Variants in PTPRG observed in about 807,000 individuals in gnomAD.
The protein encoded by PTPRG is protein tyrosine phosphatase receptor type G, also known as receptor-type tyrosine-protein phosphatase gamma.
Under a neutral mutation model 165.3 loss-of-function variants are expected in PTPRG, and 102 were observed. The ratio of observed to expected loss-of-function variants is 0.62; its 90% CI spans 0.53 to 0.73. The LOEUF (loss-of-function observed/expected upper bound fraction) is 0.73. Among genes scored for constraint, PTPRG ranks in the 30% least tolerant of loss-of-function variants. The pLI, the probability that PTPRG is intolerant of heterozygous loss-of-function variation, is 0.00. For synonymous variants in PTPRG, 675 were observed against 669.5 expected, an observed-to-expected ratio of 1.01 and a Z score of -0.13; for missense variants, 1,866 against 1,861.4, an observed-to-expected ratio of 1.00 and a Z score of -0.05.
intron 16 of PTPRG, among the ~76,000 whole-genome samples, chr3:62,257,085 T>C (rs1468007113): frequency 1.3e-5 from 2 of 152,048 alleles, no homozygotes; most frequent in East Asian, 3.9e-4. Context: ...AGGTTTAAAA[T>C]CAGAGCTGTT....
chr3:62,283,816 T>C (rs1489470254), intron 28 of PTPRG, among the ~76,000 whole-genome samples: 1 of 152,164 alleles, frequency 6.6e-6, no homozygotes. Context: ...CTACTTGAAG[T>C]AATGTGTACT....
At chr3:62,131,181 T>A (rs943291100) in intron 5 of PTPRG, among the ~76,000 whole-genome samples, 2 of 152,186 alleles carry the variant, frequency 1.3e-5, no homozygotes, top group African/African-American at 4.8e-5. Flanking sequence ...TATAGGATGT[T>A]TAGCAGCAGC....
chr3:62,076,111 A>T (rs1701372700), intron 4 of PTPRG, among the ~76,000 whole-genome samples: 2 of 152,062 alleles, frequency 1.3e-5, no homozygotes. Context: ...CGCTGCCTCT[A>T]AAAATGTATA....
intron 1 of PTPRG, among the ~76,000 whole-genome samples, chr3:61,729,069 C>T (rs2032384105): frequency 6.6e-6 from 1 of 150,734 alleles, no homozygotes; most frequent in Non-Finnish European, 1.5e-5. Flanking sequence ...CTCAAAAAAA[C>T]AAACAAACAA....
Position 61,874,720 on chromosome 3 carries a change from G to T in PTPRG, c.191-114905G>T, listed in dbSNP as rs184114751. On this transcript the variant is annotated intron_variant, in intron 2 of 29. Coordinates refer to ENST00000474889, the MANE Select transcript of PTPRG (RefSeq NM_002841.4). ...CATTTAGTGGGAGGAGTCCAGGGAC[G>T]CCATAAACATAAAGCACAGGACAGT... Among the ~76,000 whole-genome samples the T allele has an allele frequency of 1.2e-4, 19 of 152,170 alleles. 1 individual carries two copies. The highest frequency in any genetic ancestry group is 3.4e-3 in the Middle Eastern group (1 of 294).
intron 2 of PTPRG, among the ~76,000 whole-genome samples, chr3:61,771,887 C>T (rs1374991129): frequency 6.6e-6 from 1 of 151,636 alleles, no homozygotes; most frequent in Non-Finnish European, 1.5e-5. Flanking sequence ...TGGTGAAAAC[C>T]TGTCTCTACT....
At chr3:61,944,847 A>G (rs1330931677) in intron 2 of PTPRG, among the ~76,000 whole-genome samples, 1 of 152,200 alleles carries the variant, frequency 6.6e-6, no homozygotes, top group Non-Finnish European at 1.5e-5. Flanking sequence ...TGGGACCCCA[A>G]CAGGATGAGA....
intron 2 of PTPRG, among the ~76,000 whole-genome samples, chr3:61,886,109 G>T (rs981342695): frequency 2.0e-5 from 3 of 151,956 alleles, no homozygotes; most frequent in African/African-American, 7.2e-5. Flanking sequence ...ACCTATCATG[G>T]AAAAGTTATC....
chr3:61,826,666 G>C (rs1452595322), intron 2 of PTPRG, among the ~76,000 whole-genome samples: 4 of 152,016 alleles, frequency 2.6e-5, no homozygotes, highest in African/African-American at 4.8e-5. Context: ...TTTACAGTGA[G>C]GTAAAATACT....
intron 2 of PTPRG, among the ~76,000 whole-genome samples, chr3:61,773,969 T>G (rs1280872151): frequency 1.3e-5 from 2 of 152,048 alleles, no homozygotes; most frequent in African/African-American, 4.8e-5. Context: ...GAGATGGGGT[T>G]TCACCACATT....
chr3:62,175,843 G>C (rs1333144151), intron 8 of PTPRG, among the ~76,000 whole-genome samples: 1 of 152,148 alleles, frequency 6.6e-6, no homozygotes. Flanking sequence ...CAGAGATCTG[G>C]AGAAGAAGGT....
intron 8 of PTPRG, among the ~76,000 whole-genome samples, chr3:62,180,425 G>A (rs920833421): frequency 1.3e-5 from 2 of 152,216 alleles, no homozygotes; most frequent in African/African-American, 4.8e-5. Context: ...TAGCTCCGCA[G>A]CCAGGTCTGT....
intron 2 of PTPRG, among the ~76,000 whole-genome samples, chr3:61,885,889 G>C (rs897850505): frequency 1.3e-5 from 2 of 149,898 alleles, no homozygotes; most frequent in African/African-American, 4.9e-5. Context: ...GTTTAATACA[G>C]AGCTGGGGTA....
At chr3:62,000,844 G>A (rs1237898387) in intron 3 of PTPRG, among the ~76,000 whole-genome samples, 2 of 152,190 alleles carry the variant, frequency 1.3e-5, no homozygotes, top group African/African-American at 4.8e-5. Context: ...CACTGAATAT[G>A]TGTTTGCTGG....
chr3:62,213,283 G>A lies in PTPRG; in HGVS notation c.2156-5568G>A, dbSNP rs553377173. Among the ~76,000 whole-genome samples the A allele has an allele frequency of 4.3e-4, 65 of 152,260 alleles. No homozygotes were observed. The Middle Eastern group carries it at 0.01, about 24-fold the overall frequency. ...CTGTGCTTGGTACCTGACTGATCCA[G>A]AGCAGCTTCATAAGCAGGCAGCCTG... On this transcript the variant is annotated intron_variant, in intron 12 of 29. Coordinates refer to ENST00000474889, the MANE Select transcript of PTPRG (RefSeq NM_002841.4). This position sits in a 1 kb window ranked among gnomAD's most constrained non-coding sequence, Gnocchi z 4.4.
chr3:62,018,919 A>G (rs963129267), intron 4 of PTPRG, among the ~76,000 whole-genome samples: 2 of 152,294 alleles, frequency 1.3e-5, no homozygotes, highest in African/African-American at 4.8e-5. Context: ...AATGATTGGA[A>G]TGGACAGTGG....
chr3:61,761,632 G>T (rs901095326), intron 2 of PTPRG, among the ~76,000 whole-genome samples: 1 of 152,128 alleles, frequency 6.6e-6, no homozygotes, highest in African/African-American at 2.4e-5. Context: ...CTGGCATGGC[G>T]TGGTATCTCA....
intron 2 of PTPRG, among the ~76,000 whole-genome samples, chr3:61,891,395 C>T (rs2038209959): frequency 6.6e-6 from 1 of 152,208 alleles, no homozygotes. Context: ...TGACTCTATC[C>T]CTTGAAAGAC....
chr3:61,733,755 CTT>C (rs1382685485), intron 1 of PTPRG, among the ~76,000 whole-genome samples: 34 of 152,138 alleles, frequency 2.2e-4, no homozygotes, highest in Admixed American at 6.6e-5. Flanking sequence ...TTCCCTGTTC[CTT>C]CTACTGTTTC....
Sources: gnomAD v4.1 joint callset for allele counts (sites outside exome capture counted in the v4.1 genomes callset) on GRCh38, gnomAD v4.1.1 for gene constraint, Gnocchi (gnomAD v3.1) non-coding constraint, MANE v1.5 for transcripts, NCBI Gene and HGNC (gene_info 2026-07-23, HGNC 2026-07-21) for gene names.